Variants in FSD1L observed in about 807,000 individuals in gnomAD.
The protein encoded by FSD1L is FSD1-like protein.
A neutral mutation model predicts 71.6 loss-of-function variants in FSD1L; 45 were observed. The ratio of observed to expected loss-of-function variants is 0.63; its 90% CI spans 0.49 to 0.81. The LOEUF is 0.81. FSD1L is among the 30% of genes least tolerant of loss of function. FSD1L has a pLI of 0.00. For synonymous variants in FSD1L, 197 were observed against 207.2 expected, an observed-to-expected ratio of 0.95 and a Z score of 0.42; for missense variants, 561 against 618.1, an observed-to-expected ratio of 0.91 and a Z score of 0.98.
At chr9:105,464,637 G>C (rs2131614849) in intron 3 of FSD1L, among the ~76,000 whole-genome samples, 1 of 152,260 alleles carries the variant, frequency 6.6e-6, no homozygotes, top group South Asian at 2.1e-4. Flanking sequence ...TTTTTCAAAA[G>C]TGCTGGCAAG....
intron 10 of FSD1L, chr9:105,520,072 T>C: frequency 6.4e-7 from 1 of 1,555,568 alleles, no homozygotes. Flanking sequence ...CTCCACTTTC[T>C]GCCGCTGGGA....
rs1832403926 is a variant in FSD1L at position 105,484,427 on chromosome 9, A to G, written c.511A>G (p.Ser171Gly). 1.3e-6 allele frequency: 2 copies of G among 1,528,592 alleles called. No homozygotes were observed. Among genetic ancestry groups the G allele is most frequent in the Non-Finnish European group, 1.8e-6 (2 of 1,138,130 alleles). The allele number at this position is 1,528,592 out of a possible 1,614,324, so 94.7% of individuals were successfully genotyped here. Reference protein sequence around the residue: ...AFRLSLKPKVSDNMTHLMVDF... With the variant: ...AFRLSLKPKVGDNMTHLMVDF... The stretch of plus-strand genomic sequence containing the variant: ...TCGCCTTTCTTTGAAACCAAAGGTC[A>G]GTGACAACATGACTCATTTAATGGT... The change falls in exon 7 of 14, where the codon AGT becomes GGT. Residue 171 changes from serine (S) to glycine (G), a missense_variant. Ser to Gly is a moderately conservative substitution (Grantham distance 56). This residue lies in a region of FSD1L where 410 missense variants were observed against 413.5 expected (regional missense o/e 0.99). Transcript: ENST00000481272.
intron 10 of FSD1L, chr9:105,523,939 C>T (rs1835342654): frequency 8.2e-6 from 13 of 1,591,156 alleles, no homozygotes; most frequent in Non-Finnish European, 1.0e-5. Context: ...TTTCTCAATG[C>T]ACCAAGAGTA....
At chr9:105,468,353 A>G (rs757479387) in intron 4 of FSD1L, 29 bp downstream of exon 4, 8 of 1,457,488 alleles carry the variant, frequency 5.5e-6, no homozygotes, top group Non-Finnish European at 7.2e-6. Flanking sequence ...TGAAATATGG[A>G]TAATTTTAGT....
intron 5 of FSD1L, 39 bp downstream of exon 5, chr9:105,472,044 T>C: frequency 7.1e-7 from 1 of 1,407,024 alleles, no homozygotes; most frequent in South Asian, 1.6e-5. Context: ...ACAAGGGAAG[T>C]TGTATTTTTA....
intron 7 of FSD1L, among the ~76,000 whole-genome samples, chr9:105,490,415 A>G (rs1832847912): frequency 6.6e-6 from 1 of 152,242 alleles, no homozygotes. Flanking sequence ...GCCCTTTGTC[A>G]GATGAGTAGG....
intron 5 of FSD1L, among the ~76,000 whole-genome samples, chr9:105,475,688 A>G (rs1238532895): frequency 1.3e-5 from 2 of 152,218 alleles, no homozygotes; most frequent in Non-Finnish European, 2.9e-5. Context: ...CTTGGTGTTT[A>G]TGTCTTACAG....
At chr9:105,454,681 T>C (rs1830257385) in intron 1 of FSD1L, among the ~76,000 whole-genome samples, 1 of 152,204 alleles carries the variant, frequency 6.6e-6, no homozygotes, top group Admixed American at 6.5e-5. Flanking sequence ...CCACTGCACA[T>C]GGTTAAGGCT....
chr9:105,460,591 CAA>C (rs35223160), intron 1 of FSD1L, among the ~76,000 whole-genome samples: 28 of 65,950 alleles, frequency 4.2e-4, no homozygotes, highest in Admixed American at 5.9e-4. Flanking sequence ...GACTCCATCT[CAA>C]AAAAAAAAAA....
intron 7 of FSD1L, among the ~76,000 whole-genome samples, chr9:105,487,505 T>A (rs1480239476): frequency 6.6e-6 from 1 of 152,108 alleles, no homozygotes; most frequent in East Asian, 1.9e-4. Context: ...TGAATGAGTT[T>A]GTGCTTTTGT....
At chr9:105,522,176 T>A (rs1835212924) in intron 10 of FSD1L, 1 of 1,613,870 alleles carries the variant, frequency 6.2e-7, no homozygotes, top group African/African-American at 1.3e-5. Flanking sequence ...CCCGAGAACT[T>A]TGGGATGACT....
intron 7 of FSD1L, among the ~76,000 whole-genome samples, chr9:105,488,243 C>A (rs1296345361): frequency 6.6e-6 from 1 of 152,174 alleles, no homozygotes; most frequent in Non-Finnish European, 1.5e-5. Flanking sequence ...ATAGTTTTGC[C>A]TTTTCCAGAA....
chr9:105,501,234 T>C (rs1189948329), intron 7 of FSD1L, among the ~76,000 whole-genome samples: 1 of 152,170 alleles, frequency 6.6e-6, no homozygotes, highest in East Asian at 1.9e-4. Context: ...GGGATTTTTT[T>C]TTTTGCTATC....
intron 12 of FSD1L, among the ~76,000 whole-genome samples, chr9:105,537,410 C>T (rs1390447298): frequency 1.3e-5 from 2 of 152,114 alleles, no homozygotes; most frequent in African/African-American, 4.8e-5. Flanking sequence ...TCATTTTCCT[C>T]AGGATAAATG....
chr9:105,450,172 G>A (rs1391664647), intron 1 of FSD1L, among the ~76,000 whole-genome samples: 1 of 152,140 alleles, frequency 6.6e-6, no homozygotes, highest in African/African-American at 2.4e-5. Flanking sequence ...AATGATCTAA[G>A]CTGGATATTG....
At chr9:105,443,127 C>T (rs1055480633), upstream of FSD1L, among the ~76,000 whole-genome samples, 11 of 152,208 alleles carry the variant, frequency 7.2e-5, no homozygotes, top group African/African-American at 2.2e-4. Flanking sequence ...AAGTAGAGAG[C>T]GCCAGCCCAC....
chr9:105,487,411 A>G (rs1027033000), intron 7 of FSD1L, among the ~76,000 whole-genome samples: 1 of 150,760 alleles, frequency 6.6e-6, no homozygotes, highest in Non-Finnish European at 1.5e-5. Context: ...ACTGCTGCAA[A>G]CACTGCTGTC....
At chr9:105,491,117 A>G (rs1364604790) in intron 7 of FSD1L, among the ~76,000 whole-genome samples, 1 of 152,136 alleles carries the variant, frequency 6.6e-6, no homozygotes, top group Non-Finnish European at 1.5e-5. Flanking sequence ...TTTTCATGAT[A>G]TTGATTCTTC....
Position 105,512,942 on chromosome 9 carries a change from C to T in FSD1L, c.1025+6C>T, listed in dbSNP as rs1342108858. 1.3e-6 allele frequency: 2 copies of T among 1,512,280 alleles called. No homozygotes were observed. Among genetic ancestry groups the T allele is most frequent in the African/African-American group, 1.4e-5 (1 of 71,184 alleles). 93.7% of individuals were successfully genotyped at this position (1,512,280 alleles called of 1,614,324 possible). A position where few individuals can be genotyped will look rare whatever the true frequency, so the allele number is the denominator to read the frequency against. ...GGAAAAGAGAACAAGGGCAGGTAAG[C>T]TAGACCATTAAATCTGCCATATGGA... On this transcript the variant is annotated splice_donor_region_variant and intron_variant, in intron 10 of 13. Transcript: ENST00000481272.
Sources: allele counts gnomAD v4.1 joint callset (sites outside exome capture counted in the v4.1 genomes callset), GRCh38; gene constraint gnomAD v4.1.1; regional missense constraint gnomAD v4.1.1; transcripts MANE v1.5; gene names NCBI Gene and HGNC (gene_info 2026-07-23, HGNC 2026-07-21).